TMEM178B: variants seen among roughly 807,000 people sequenced by gnomAD.
TMEM178B encodes transmembrane protein 178B.
TMEM178B carries 5 observed loss-of-function variants against 31.0 expected under a neutral mutation model. That is an observed-to-expected ratio of 0.16 (90% CI 0.08 to 0.34). The LOEUF (loss-of-function observed/expected upper bound fraction) is 0.34, where lower values mean the gene tolerates loss of function less well. TMEM178B is among the 10% of genes least tolerant of loss of function. The pLI is 1.00. For synonymous variants in TMEM178B, 164 were observed against 164.0 expected, an observed-to-expected ratio of 1.00 and a Z score of 0.00; for missense variants, 275 against 400.3, an observed-to-expected ratio of 0.69 and a Z score of 2.67.
At chr7:141,241,477 C>T (rs1367892757) in intron 2 of TMEM178B, among the ~76,000 whole-genome samples, 1 of 150,992 alleles carries the variant, frequency 6.6e-6, no homozygotes, top group East Asian at 2.0e-4. Flanking sequence ...ATAATCCCAG[C>T]TACTCGGGAG....
intron 2 of TMEM178B, among the ~76,000 whole-genome samples, chr7:141,223,951 C>T (rs1030341575): frequency 6.6e-6 from 1 of 152,180 alleles, no homozygotes; most frequent in African/African-American, 2.4e-5. Context: ...CCACCCAAAT[C>T]TCACCTTAAA....
chr7:141,306,143 G>A (rs1798811976), intron 2 of TMEM178B, among the ~76,000 whole-genome samples: 1 of 152,204 alleles, frequency 6.6e-6, no homozygotes, highest in African/African-American at 2.4e-5. Flanking sequence ...TTCCTTGGCT[G>A]CCGTTAATGT....
chr7:141,490,515 C>T, the TMEM178B span, among the ~76,000 whole-genome samples: 18 of 152,186 alleles, frequency 1.2e-4, no homozygotes, highest in African/African-American at 3.9e-4. Context: ...CAGATTCTCC[C>T]TCACAGCCTC....
At chr7:141,420,810 A>G (rs1204214274) in intron 2 of TMEM178B, among the ~76,000 whole-genome samples, 1 of 152,152 alleles carries the variant, frequency 6.6e-6, no homozygotes, top group African/African-American at 2.4e-5. Flanking sequence ...TGTTTAAATA[A>G]TGTTCTCTTA....
At chr7:141,182,531 A>G (rs985449247) in intron 1 of TMEM178B, among the ~76,000 whole-genome samples, 2 of 152,228 alleles carry the variant, frequency 1.3e-5, no homozygotes, top group African/African-American at 2.4e-5. Context: ...TCCATCTGGA[A>G]TCACACAGGT....
intron 1 of TMEM178B, among the ~76,000 whole-genome samples, chr7:141,148,171 C>T (rs1795885920): frequency 6.6e-6 from 1 of 152,266 alleles, no homozygotes; most frequent in African/African-American, 2.4e-5. Context: ...GGCCCCATAT[C>T]ACTCCAACCA....
At chr7:141,301,946 CTGGGT>C (rs766632176) in intron 2 of TMEM178B, among the ~76,000 whole-genome samples, 1 of 152,166 alleles carries the variant, frequency 6.6e-6, no homozygotes, top group African/African-American at 2.4e-5. Context: ...GAAGTTGAGG[CTGGGT>C]ACAGTAAAAA....
chr7:141,094,960 T>C (rs865879384), intron 1 of TMEM178B, among the ~76,000 whole-genome samples: 1 of 152,224 alleles, frequency 6.6e-6, no homozygotes. Context: ...AAAAACGAAG[T>C]GCAATAATTC....
chr7:141,178,026 C>A (rs1295306182), intron 1 of TMEM178B, among the ~76,000 whole-genome samples: 1 of 152,196 alleles, frequency 6.6e-6, no homozygotes, highest in Non-Finnish European at 1.5e-5. Context: ...TATGCAGTTT[C>A]TTCATAGCAT....
chr7:141,433,024 T>C (rs1242680155), intron 2 of TMEM178B, among the ~76,000 whole-genome samples: 1 of 152,234 alleles, frequency 6.6e-6, no homozygotes, highest in Non-Finnish European at 1.5e-5. Context: ...CTGGGATCAA[T>C]GCTAAAACTC....
intron 2 of TMEM178B, among the ~76,000 whole-genome samples, chr7:141,214,354 G>A (rs1017536756): frequency 3.0e-4 from 46 of 152,160 alleles, no homozygotes; most frequent in Middle Eastern, 3.2e-3. Context: ...TTCTTTTTGT[G>A]CCAGTGAATA....
chr7:141,288,474 G>GA (rs1186869325), intron 2 of TMEM178B, among the ~76,000 whole-genome samples: 3 of 126,738 alleles, frequency 2.4e-5, no homozygotes, highest in Non-Finnish European at 3.3e-5. Context: ...TCCCTGTCCG[G>GA]AAAAAAATGA....
At chr7:141,501,850 C>G in the TMEM178B span, among the ~76,000 whole-genome samples, 1 of 137,626 alleles carries the variant, frequency 7.3e-6, no homozygotes, top group African/African-American at 3.1e-5. Context: ...CTCTCATGCT[C>G]TCTCTCTCTC....
intron 2 of TMEM178B, among the ~76,000 whole-genome samples, chr7:141,254,755 G>A (rs1435003920): frequency 6.6e-6 from 1 of 152,148 alleles, no homozygotes; most frequent in Non-Finnish European, 1.5e-5. Flanking sequence ...CTTGTTTACT[G>A]CAAGTAGAAT....
At chr7:141,330,736 T>C (rs1166002097) in intron 2 of TMEM178B, among the ~76,000 whole-genome samples, 1 of 152,212 alleles carries the variant, frequency 6.6e-6, no homozygotes, top group Non-Finnish European at 1.5e-5. Flanking sequence ...AGAAGAATGA[T>C]GTGATCCAAC....
chr7:141,306,916 A>C lies in TMEM178B; in HGVS notation c.496+94212A>C, dbSNP rs922598229. Among the ~76,000 whole-genome samples, 11 of 152,094 alleles carry C rather than the reference A, an allele frequency of 7.2e-5. 1 individual carries two copies. The highest frequency in any genetic ancestry group is 2.7e-4 in the African/African-American group (11 of 41,422). On this transcript the variant is annotated intron_variant, in intron 2 of 3. Coordinates refer to ENST00000565468, the MANE Select transcript of TMEM178B (RefSeq NM_001195278.2). ...CCACTTTCCCAAACTTCTGCAGACT[A>C]TGTGGTCTGTCCCACACAATTTAGT...
At chr7:141,509,111 G>A in the TMEM178B span, among the ~76,000 whole-genome samples, 2 of 152,176 alleles carry the variant, frequency 1.3e-5, no homozygotes, top group African/African-American at 4.8e-5. Context: ...CCTATTACAT[G>A]TGTACATTCA....
At chr7:141,284,242 G>A (rs1798409236) in intron 2 of TMEM178B, among the ~76,000 whole-genome samples, 2 of 152,312 alleles carry the variant, frequency 1.3e-5, no homozygotes, top group African/African-American at 4.8e-5. Context: ...GAGATGTTCA[G>A]TTTCCTCTTA....
chr7:141,437,862 T>C, intron 3 of TMEM178B, 117 bp downstream of exon 3: 1 of 1,377,660 alleles, frequency 7.3e-7, no homozygotes, highest in African/African-American at 1.4e-5. Flanking sequence ...GGGTTCTCAT[T>C]CACTCATCCA....
Sources: allele counts gnomAD v4.1 joint callset (sites outside exome capture counted in the v4.1 genomes callset), GRCh38; gene constraint gnomAD v4.1.1; transcripts MANE v1.5; gene names NCBI Gene and HGNC (gene_info 2026-07-23, HGNC 2026-07-21).